The following HERC3 variants were observed in gnomAD, a reference collection of about 807,000 sequenced individuals.
The protein encoded by HERC3 is HECT and RLD domain containing E3 ubiquitin protein ligase 3, also known as probable E3 ubiquitin-protein ligase HERC3.
A neutral mutation model predicts 129.9 loss-of-function variants in HERC3; 58 were observed. The ratio of observed to expected loss-of-function variants is 0.45; its 90% confidence interval spans 0.36 to 0.56. The LOEUF (loss-of-function observed/expected upper bound fraction) is 0.56, where lower values mean the gene tolerates loss of function less well. Among genes scored for constraint, HERC3 ranks in the 20% least tolerant of loss-of-function variants. HERC3 has a pLI of 0.00. For missense variants in HERC3, 835 were observed against 1,244.2 expected, an observed-to-expected ratio of 0.67 and a Z score of 4.95; for synonymous variants, 430 against 451.0, an observed-to-expected ratio of 0.95 and a Z score of 0.59.
At chr4:88,533,840 C>T in the HERC3 span, among the ~76,000 whole-genome samples, 5 of 152,110 alleles carry the variant, frequency 3.3e-5, no homozygotes, top group African/African-American at 4.8e-5. Context: ...TCTTCTTTAT[C>T]GTTCTTACTG....
intron 3 of HERC3, among the ~76,000 whole-genome samples, chr4:88,624,905 G>GT (rs1224387932): frequency 1.3e-5 from 2 of 151,934 alleles, no homozygotes; most frequent in African/African-American, 2.4e-5. Context: ...GTCAAGGTTC[G>GT]TTTTTTTGCA....
intron 18 of HERC3, among the ~76,000 whole-genome samples, chr4:88,677,493 G>C (rs1732295326): frequency 6.6e-6 from 1 of 151,952 alleles, no homozygotes; most frequent in African/African-American, 2.4e-5. Context: ...CAGCTCGACT[G>C]CATCTATCTA....
chr4:88,617,094 C>T (rs746075303), intron 3 of HERC3, among the ~76,000 whole-genome samples: 2 of 148,512 alleles, frequency 1.3e-5, no homozygotes, highest in African/African-American at 2.5e-5. Flanking sequence ...TCCTTTAGTA[C>T]GCTTCACTAT....
chr4:88,643,097 G>A (rs116415846), intron 3 of HERC3, among the ~76,000 whole-genome samples: 1,674 of 152,054 alleles, frequency 0.011, 35 homozygotes, highest in African/African-American at 0.037. Flanking sequence ...ATATATTAAC[G>A]ATATGCAATT....
chr4:88,679,338 CTT>C (rs528839882), intron 19 of HERC3, among the ~76,000 whole-genome samples: 44 of 152,290 alleles, frequency 2.9e-4, no homozygotes, highest in African/African-American at 1.0e-3. Context: ...GCAGCAGTTA[CTT>C]CAAGAACCCT....
chr4:88,579,332 G>A, the HERC3 span, among the ~76,000 whole-genome samples: 1 of 151,910 alleles, frequency 6.6e-6, no homozygotes, highest in Non-Finnish European at 1.5e-5. Flanking sequence ...ACTTGAGCCT[G>A]GGAGGCGGAA....
rs1171885080 is a variant in HERC3, at chr4:88,674,947, C to T, written c.1912-1271C>T. Among the ~76,000 whole-genome samples the T allele has an allele frequency of 1.3e-5, 2 of 152,126 alleles. 1 individual carries two copies. Among genetic ancestry groups the T allele is most frequent in the South Asian group, 4.1e-4 (2 of 4,832 alleles). Reference sequence around the variant, plus strand: ...GATTTTATTTAAATATCCATAAGGACAAGAGGAGGCACATGCTGCTTATTC... The same window carrying T: ...GATTTTATTTAAATATCCATAAGGATAAGAGGAGGCACATGCTGCTTATTC... On this transcript the variant is annotated intron_variant, in intron 16 of 25. Coordinates refer to ENST00000402738, the MANE Select transcript of HERC3 (RefSeq NM_014606.3).
chr4:88,594,963 G>T (rs1048064526), intron 1 of HERC3, among the ~76,000 whole-genome samples: 2 of 151,800 alleles, frequency 1.3e-5, no homozygotes, highest in Admixed American at 6.6e-5. Flanking sequence ...TTAGCTGGGC[G>T]TGGTGGCGGG....
chr4:88,583,630 A>C, the HERC3 span: 1 of 152,188 alleles, frequency 6.6e-6, no homozygotes, highest in Non-Finnish European at 1.5e-5. Flanking sequence ...GCTTTCTGTG[A>C]AACTGATATG....
At chr4:88,682,319 A>G (rs2149318285) in intron 21 of HERC3, among the ~76,000 whole-genome samples, 1 of 151,852 alleles carries the variant, frequency 6.6e-6, no homozygotes, top group South Asian at 2.1e-4. Context: ...ATTTATTTTC[A>G]TTTTATTTTT....
chr4:88,704,505 C>T lies in HERC3; in HGVS notation c.2842-3C>T, dbSNP rs568242044. On this transcript the variant is annotated splice_region_variant and splice_polypyrimidine_tract_variant and intron_variant, in intron 24 of 25. Transcript: ENST00000402738. Reference sequence around the variant, plus strand: ...TTTTTTTCTTTTTCTCTTTTTTGGACAGACTGCCATCTACAAGGGAGATTA... The same window carrying T: ...TTTTTTTCTTTTTCTCTTTTTTGGATAGACTGCCATCTACAAGGGAGATTA... 1.3e-6 allele frequency: 2 copies of T among 1,587,452 alleles called. No individual in the cohort carries two copies. The highest frequency in any genetic ancestry group is 1.1e-5 in the South Asian group (1 of 90,354).
intron 8 of HERC3, 67 bp from the exon 9 acceptor site, chr4:88,655,808 G>A (rs1219442501): frequency 2.0e-6 from 3 of 1,504,232 alleles, no homozygotes; most frequent in African/African-American, 2.8e-5. Context: ...GAAGTTAAAA[G>A]TCAGAGTCAG....
chr4:88,603,368 C>A (rs1723237602), intron 2 of HERC3, among the ~76,000 whole-genome samples: 1 of 151,986 alleles, frequency 6.6e-6, no homozygotes, highest in Non-Finnish European at 1.5e-5. Flanking sequence ...CCACCACGCC[C>A]CACTAATTTT....
chr4:88,538,285 A>G, the HERC3 span, among the ~76,000 whole-genome samples: 1 of 152,200 alleles, frequency 6.6e-6, no homozygotes, highest in Non-Finnish European at 1.5e-5. Flanking sequence ...TCACACTGCA[A>G]TGCTCTTTGA....
At chr4:88,593,815 G>A (rs1278600026) in intron 1 of HERC3, among the ~76,000 whole-genome samples, 2 of 152,180 alleles carry the variant, frequency 1.3e-5, no homozygotes, top group Admixed American at 6.5e-5. Context: ...TTTTAAATGC[G>A]GTGATCGGGT....
At chr4:88,676,908 C>T (rs1321529674) in intron 18 of HERC3, among the ~76,000 whole-genome samples, 3 of 151,990 alleles carry the variant, frequency 2.0e-5, no homozygotes, top group South Asian at 2.1e-4. Flanking sequence ...TTTGGGAGGC[C>T]GAGGCAGGCT....
At chr4:88,697,437 T>A in intron 23 of HERC3, 2 of 1,614,162 alleles carry the variant, frequency 1.2e-6, no homozygotes, top group South Asian at 2.2e-5. Flanking sequence ...TATACTTTTT[T>A]TCCAGAGCCT....
chr4:88,590,190 C>T (rs772498677), upstream of HERC3, among the ~76,000 whole-genome samples: 1 of 151,430 alleles, frequency 6.6e-6, no homozygotes, highest in Admixed American at 6.6e-5. Flanking sequence ...ATTGCTTGAG[C>T]CGGGGAGGTG....
intron 3 of HERC3, among the ~76,000 whole-genome samples, chr4:88,619,616 C>T (rs1395376256): frequency 6.6e-6 from 1 of 152,152 alleles, no homozygotes; most frequent in East Asian, 1.9e-4. Flanking sequence ...GGTAGGTTTG[C>T]ATGAAATTTT....
Sources: allele counts gnomAD v4.1 joint callset (sites outside exome capture counted in the v4.1 genomes callset), GRCh38; gene constraint gnomAD v4.1.1; transcripts MANE v1.5; gene names NCBI Gene and HGNC (gene_info 2026-07-23, HGNC 2026-07-21).